MATCAP2: variants seen among roughly 807,000 people sequenced by gnomAD.
The protein encoded by MATCAP2 is microtubule associated tyrosine carboxypeptidase 2.
the MATCAP2 span, among the ~76,000 whole-genome samples, chr7:36,327,415 G>A: frequency 1.8e-3 from 271 of 152,226 alleles, 6 homozygotes; most frequent in East Asian, 0.044. Flanking sequence ...GATTACAGGC[G>A]TGAGCCACCG....
At chr7:36,355,592 C>T in the MATCAP2 span, 772 of 152,322 alleles carry the variant, frequency 5.1e-3, 8 homozygotes, top group African/African-American at 0.018. Flanking sequence ...TTAAGTTTTA[C>T]ATAATGGCTT....
chr7:36,390,180 G>C, the MATCAP2 span: 1 of 1,479,436 alleles, frequency 6.8e-7, no homozygotes, highest in Non-Finnish European at 9.2e-7. Flanking sequence ...TGTGCGGGCC[G>C]GGGTCGCCGC....
At chr7:36,337,509 A>G in the MATCAP2 span, among the ~76,000 whole-genome samples, 1 of 152,146 alleles carries the variant, frequency 6.6e-6, no homozygotes, top group Admixed American at 6.5e-5. Flanking sequence ...ATTCATATAC[A>G]TGTCATATAA....
the MATCAP2 span, among the ~76,000 whole-genome samples, chr7:36,330,127 C>T: frequency 6.6e-6 from 1 of 150,818 alleles, no homozygotes; most frequent in South Asian, 2.1e-4. Flanking sequence ...CTCTGTCTCC[C>T]AGGCTGGAGT....
chr7:36,332,937 A>G, the MATCAP2 span, among the ~76,000 whole-genome samples: 8 of 152,092 alleles, frequency 5.3e-5, no homozygotes, highest in African/African-American at 9.7e-5. Flanking sequence ...CAAAAAAAAA[A>G]GTAGAGACTG....
At chr7:36,374,127 T>A in the MATCAP2 span, among the ~76,000 whole-genome samples, 3 of 152,148 alleles carry the variant, frequency 2.0e-5, no homozygotes, top group Admixed American at 1.3e-4. Context: ...TCACCCAGGC[T>A]GAGTGTAGTG....
the MATCAP2 span, chr7:36,356,760 C>T: frequency 2.7e-6 from 2 of 730,272 alleles, no homozygotes; most frequent in Non-Finnish European, 2.4e-6. Context: ...TCTTGTCGCA[C>T]ATTTACATGT....
At chr7:36,362,370 A>G in the MATCAP2 span, among the ~76,000 whole-genome samples, 4 of 152,188 alleles carry the variant, frequency 2.6e-5, no homozygotes, top group Non-Finnish European at 4.4e-5. Context: ...CCCAGGTAAG[A>G]GCAATTCAGT....
At chr7:36,328,766 C>T in the MATCAP2 span, among the ~76,000 whole-genome samples, 2 of 151,226 alleles carry the variant, frequency 1.3e-5, no homozygotes, top group African/African-American at 4.9e-5. Context: ...AAATAAATAG[C>T]CGGGAGCGGT....
chr7:36,388,324 A>C, the MATCAP2 span, among the ~76,000 whole-genome samples: 1 of 151,942 alleles, frequency 6.6e-6, no homozygotes, highest in Non-Finnish European at 1.5e-5. Context: ...CCCATGGGTT[A>C]ACCGATTTGG....
the MATCAP2 span, chr7:36,356,438 C>A: frequency 5.6e-6 from 1 of 178,736 alleles, no homozygotes; most frequent in Non-Finnish European, 1.2e-5. Flanking sequence ...TCACTTGAAC[C>A]CAGAAGGCAG....
the MATCAP2 span, chr7:36,336,123 G>A: frequency 6.9e-7 from 1 of 1,459,088 alleles, no homozygotes; most frequent in South Asian, 1.4e-5. Flanking sequence ...GTCAATGACA[G>A]TAATTCCTTG....
chr7:36,374,938 T>C, the MATCAP2 span, among the ~76,000 whole-genome samples: 4 of 152,332 alleles, frequency 2.6e-5, no homozygotes, highest in South Asian at 6.2e-4. Flanking sequence ...CAGTCTATCA[T>C]TGATGGACAT....
chr7:36,369,489 A>G, the MATCAP2 span, among the ~76,000 whole-genome samples: 6 of 152,224 alleles, frequency 3.9e-5, no homozygotes, highest in East Asian at 1.2e-3. Context: ...TTAAAGTCAC[A>G]GTCACTGCAG....
the MATCAP2 span, among the ~76,000 whole-genome samples, chr7:36,345,353 C>T: frequency 1.3e-5 from 2 of 152,092 alleles, no homozygotes; most frequent in South Asian, 4.1e-4. Context: ...CAGAAGCATA[C>T]AGTTGAAGAA....
chr7:36,324,380 A>C, the MATCAP2 span: 1 of 152,216 alleles, frequency 6.6e-6, no homozygotes, highest in African/African-American at 2.4e-5. Flanking sequence ...TTTCCTTTGA[A>C]TACTGTCTGG....
At chr7:36,333,269 CATATT>C in the MATCAP2 span, among the ~76,000 whole-genome samples, 1 of 152,170 alleles carries the variant, frequency 6.6e-6, no homozygotes, top group Non-Finnish European at 1.5e-5. Flanking sequence ...CAAAAAATCA[CATATT>C]AGATAATTCT....
the MATCAP2 span, among the ~76,000 whole-genome samples, chr7:36,347,121 G>GT: frequency 6.6e-6 from 1 of 152,050 alleles, no homozygotes; most frequent in Non-Finnish European, 1.5e-5. Flanking sequence ...GCATACTTTA[G>GT]TATGACATGT....
At chr7:36,384,360 A>G in the MATCAP2 span, among the ~76,000 whole-genome samples, 2 of 152,192 alleles carry the variant, frequency 1.3e-5, no homozygotes, top group Non-Finnish European at 2.9e-5. Flanking sequence ...TTTTATATAA[A>G]TAAGTAGGGA....
Sources: allele counts gnomAD v4.1 joint callset (sites outside exome capture counted in the v4.1 genomes callset), GRCh38; gene constraint gnomAD v4.1.1; transcripts MANE v1.5; gene names NCBI Gene and HGNC (gene_info 2026-07-23, HGNC 2026-07-21).